Variants in PBLD observed in about 807,000 individuals in gnomAD.
PBLD encodes the protein phenazine biosynthesis-like domain-containing protein.
In PBLD, 26 loss-of-function variants were observed where a neutral mutation model predicts 31.3. The observed-to-expected ratio is 0.83, with a 90% CI of 0.61 to 1.15. The LOEUF (loss-of-function observed/expected upper bound fraction) is 1.15. Ranked by LOEUF, PBLD falls within the 50% of genes most tolerant of loss-of-function variation. The pLI, the probability that PBLD is intolerant of heterozygous loss-of-function variation, is 0.00. For synonymous variants in PBLD, 114 were observed against 129.0 expected (o/e 0.88, Z 0.79); for missense variants, 307 against 351.7 (o/e 0.87, Z 1.02).
At chr10:68,331,122 C>T (rs985857466) in intron 1 of PBLD, 1 of 152,322 alleles carries the variant, frequency 6.6e-6, no homozygotes, top group Non-Finnish European at 1.5e-5. Context: ...GATCCTCCCC[C>T]TCGGCCTCTC....
chr10:68,307,926 A>T (rs1419077913), intron 1 of PBLD, among the ~76,000 whole-genome samples: 1 of 152,246 alleles, frequency 6.6e-6, no homozygotes, highest in African/African-American at 2.4e-5. Flanking sequence ...AAATATGCTC[A>T]TTATAAAAAA....
intron 1 of PBLD, chr10:68,331,792 C>G (rs2134590548): frequency 6.6e-6 from 1 of 152,504 alleles, no homozygotes; most frequent in South Asian, 2.1e-4. Flanking sequence ...ATTGCCATCG[C>G]CCCGAGGCGG....
At chr10:68,309,406 C>CAAAAAA (rs58152894) in intron 1 of PBLD, among the ~76,000 whole-genome samples, 1 of 114,704 alleles carries the variant, frequency 8.7e-6, no homozygotes, top group African/African-American at 3.8e-5. Context: ...GATTATGTTT[C>CAAAAAA]AAAAAAAAAA....
At chr10:68,327,783 A>G (rs2044947447) in intron 1 of PBLD, among the ~76,000 whole-genome samples, 1 of 152,168 alleles carries the variant, frequency 6.6e-6, no homozygotes, top group African/African-American at 2.4e-5. Context: ...TAAAAGCAGT[A>G]CAATAATTTC....
At chr10:68,293,657 A>T (rs2044387674) in intron 4 of PBLD, among the ~76,000 whole-genome samples, 2 of 152,192 alleles carry the variant, frequency 1.3e-5, no homozygotes, top group South Asian at 4.1e-4. Context: ...GGTTTCCAGG[A>T]TGTTATTATT....
At chr10:68,323,325 G>C (rs749768123) in intron 1 of PBLD, among the ~76,000 whole-genome samples, 163 of 152,100 alleles carry the variant, frequency 1.1e-3, no homozygotes, top group Non-Finnish European at 1.9e-3. Context: ...ACTTTGGGAG[G>C]CCAAAGTGGG....
chr10:68,316,350 T>C (rs2044736056), intron 1 of PBLD, among the ~76,000 whole-genome samples: 1 of 151,630 alleles, frequency 6.6e-6, no homozygotes, highest in Admixed American at 6.6e-5. Context: ...ACAATGGAAA[T>C]GAAAAATTAA....
chr10:68,332,463 C>G (rs753898034), intron 1 of PBLD, among the ~76,000 whole-genome samples: 2 of 152,244 alleles, frequency 1.3e-5, no homozygotes, highest in Non-Finnish European at 2.9e-5. Context: ...TAGGGGACAT[C>G]CAGCATTTTC....
chr10:68,322,162 A>G (rs1406461923), intron 1 of PBLD, among the ~76,000 whole-genome samples: 1 of 152,186 alleles, frequency 6.6e-6, no homozygotes, highest in East Asian at 1.9e-4. Context: ...TTTTCCTCCC[A>G]AGAACCCATA....
At chr10:68,289,663 T>TCACACACACA (rs1183126379) in intron 6 of PBLD, among the ~76,000 whole-genome samples, 34,311 of 136,072 alleles carry the variant, frequency 0.25, 4,652 homozygotes, top group South Asian at 0.27. Flanking sequence ...AGGCCAAAGA[T>TCACACACACA]CACACACACA....
At chr10:68,318,062 C>A (rs907971824) in intron 1 of PBLD, among the ~76,000 whole-genome samples, 6 of 151,888 alleles carry the variant, frequency 4.0e-5, no homozygotes, top group Non-Finnish European at 7.4e-5. Context: ...CCCGTCTCTA[C>A]TGAAAATACA....
chr10:68,297,036 T>G (rs777201375), intron 2 of PBLD, 51 bp from the exon 3 acceptor site: 12 of 1,373,366 alleles, frequency 8.7e-6, no homozygotes, highest in Non-Finnish European at 3.1e-6. Flanking sequence ...AGATCAGACT[T>G]CCTTTGGACA....
intron 1 of PBLD, among the ~76,000 whole-genome samples, chr10:68,318,846 G>A (rs977410817): frequency 1.4e-4 from 21 of 151,792 alleles, no homozygotes; most frequent in African/African-American, 5.1e-4. Flanking sequence ...CAAGAGAACA[G>A]CTTGAGTCCA....
At chr10:68,327,102 C>A (rs2044934083) in intron 1 of PBLD, among the ~76,000 whole-genome samples, 1 of 152,004 alleles carries the variant, frequency 6.6e-6, no homozygotes, top group Non-Finnish European at 1.5e-5. Context: ...TTAACTGGTT[C>A]AGAATCAATT....
At position 68,306,909 on chromosome 10, in the gene PBLD, TGGAAAA is replaced by T; in HGVS notation, c.-59-12_-59-7del. Reference sequence around the variant, plus strand: ...GGTAGCCTGCTTTACGTCTTCTTCTTGGAAAAGGAAATCAAAAAGTTAATGTTTTAC... The same window carrying T: ...GGTAGCCTGCTTTACGTCTTCTTCTTGGAAATCAAAAAGTTAATGTTTTAC... On this transcript the variant is annotated splice_polypyrimidine_tract_variant and splice_region_variant and intron_variant, in intron 1 of 9. Transcript: ENST00000358769. 2.3e-6 allele frequency: 3 copies of T among 1,288,906 alleles called. No individual in the cohort carries two copies. The highest frequency in any genetic ancestry group is 3.3e-6 in the Non-Finnish European group (3 of 900,278). 79.8% of individuals were successfully genotyped at this position (1,288,906 alleles called of 1,614,324 possible).
chr10:68,318,622 CAA>C (rs2044770978), intron 1 of PBLD, among the ~76,000 whole-genome samples: 1 of 151,804 alleles, frequency 6.6e-6, no homozygotes, highest in African/African-American at 2.4e-5. Context: ...AAGAAAGTCA[CAA>C]ACAGGTGAGG....
At chr10:68,330,558 G>T (rs1267894136) in intron 1 of PBLD, among the ~76,000 whole-genome samples, 1 of 152,094 alleles carries the variant, frequency 6.6e-6, no homozygotes, top group African/African-American at 2.4e-5. Context: ...GGGGGGAAAG[G>T]GAGGTGGGAC....
At chr10:68,285,180 C>CTCTGTA in intron 9 of PBLD, 168 bp downstream of exon 9, 5 of 1,460,806 alleles carry the variant, frequency 3.4e-6, no homozygotes, top group Non-Finnish European at 4.5e-6. Flanking sequence ...GAGGTGAAGG[C>CTCTGTA]TGTTTGGGGT....
rs372835474 is a variant in PBLD, at chr10:68,323,976, G to A, written c.-60+8808C>T. Among the ~76,000 whole-genome samples the A allele has an allele frequency of 5.9e-5, 9 of 152,146 alleles. No homozygotes were observed. In the East Asian group the frequency reaches 1.4e-3, roughly 23 times the overall value. ...AATTTCCTACTAGACACATTCACTC[G>A]GACAGTACATGGCATCTCAAAATCA... is the stretch of plus-strand genomic sequence containing the variant. On this transcript the variant is annotated intron_variant, in intron 1 of 9. Coordinates refer to ENST00000358769, the MANE Select transcript of PBLD (RefSeq NM_022129.4).
Sources: allele counts gnomAD v4.1 joint callset (sites outside exome capture counted in the v4.1 genomes callset), GRCh38; gene constraint gnomAD v4.1.1; transcripts MANE v1.5; gene names NCBI Gene and HGNC (gene_info 2026-07-23, HGNC 2026-07-21).